The following GPR15LG variants were observed in gnomAD, a reference collection of about 807,000 sequenced individuals.
The protein encoded by GPR15LG is G protein-coupled receptor 15 ligand.
the GPR15LG span, among the ~76,000 whole-genome samples, chr10:84,184,510 C>T: frequency 6.6e-6 from 1 of 152,276 alleles, no homozygotes; most frequent in Admixed American, 6.5e-5. Flanking sequence ...CGAAAAGCCC[C>T]TTCTGGGCCT....
At chr10:84,176,719 C>T in the GPR15LG span, 10 of 604,946 alleles carry the variant, frequency 1.7e-5, no homozygotes, top group East Asian at 5.7e-5. Context: ...TTGTTGACTC[C>T]CCCCCAAAAG....
chr10:84,178,684 G>A, the GPR15LG span, among the ~76,000 whole-genome samples: 35 of 152,284 alleles, frequency 2.3e-4, no homozygotes, highest in Admixed American at 3.9e-4. Context: ...CATAGGAGAC[G>A]TGGCCATGTT....
the GPR15LG span, among the ~76,000 whole-genome samples, chr10:84,181,143 G>A: frequency 7.2e-6 from 1 of 139,266 alleles, no homozygotes; most frequent in Non-Finnish European, 1.6e-5. Flanking sequence ...AGGAGGGAGA[G>A]GGAGAGGGCT....
At chr10:84,176,261 T>C in the GPR15LG span, among the ~76,000 whole-genome samples, 1 of 152,198 alleles carries the variant, frequency 6.6e-6, no homozygotes, top group African/African-American at 2.4e-5. Flanking sequence ...TGGACAGGAA[T>C]CTGAAAAGGA....
chr10:84,181,313 G>A, the GPR15LG span, among the ~76,000 whole-genome samples: 2 of 151,038 alleles, frequency 1.3e-5, no homozygotes, highest in East Asian at 1.9e-4. Flanking sequence ...TATTGACCTC[G>A]TGATCCACCC....
At chr10:84,180,822 C>T in the GPR15LG span, among the ~76,000 whole-genome samples, 1 of 152,224 alleles carries the variant, frequency 6.6e-6, no homozygotes, top group East Asian at 1.9e-4. Context: ...AACGAGACTC[C>T]GTCTGCAATC....
the GPR15LG span, among the ~76,000 whole-genome samples, chr10:84,182,026 AC>A: frequency 1.3e-5 from 2 of 151,972 alleles, no homozygotes; most frequent in Middle Eastern, 3.2e-3. Context: ...TGTTTTTGAA[AC>A]CCAGCAAAAT....
the GPR15LG span, among the ~76,000 whole-genome samples, chr10:84,184,159 GAAAAAAA>G: frequency 7.2e-6 from 1 of 138,570 alleles, no homozygotes; most frequent in Non-Finnish European, 1.6e-5. Flanking sequence ...CATCTTTCTT[GAAAAAAA>G]AAAAAAAAAA....
At chr10:84,178,012 C>T in the GPR15LG span, among the ~76,000 whole-genome samples, 1 of 152,106 alleles carries the variant, frequency 6.6e-6, no homozygotes, top group African/African-American at 2.4e-5. Context: ...CAACCACACA[C>T]ACAGACACAC....
At chr10:84,184,747 G>T in the GPR15LG span, 13 of 1,613,742 alleles carry the variant, frequency 8.1e-6, no homozygotes, top group Admixed American at 2.0e-4. Context: ...GTGGTGCCTG[G>T]GGCACTCCCA....
At chr10:84,176,492 C>T in the GPR15LG span, 3 of 1,613,510 alleles carry the variant, frequency 1.9e-6, no homozygotes, top group Non-Finnish European at 2.5e-6. Context: ...AAGAGGCGTC[C>T]TGCCAAGGCC....
the GPR15LG span, among the ~76,000 whole-genome samples, chr10:84,181,780 G>T: frequency 1.3e-5 from 2 of 152,224 alleles, no homozygotes; most frequent in African/African-American, 4.8e-5. Context: ...CTCTTTACGG[G>T]TGTCAAGCAC....
the GPR15LG span, among the ~76,000 whole-genome samples, chr10:84,179,427 G>T: frequency 6.6e-6 from 1 of 152,144 alleles, no homozygotes; most frequent in Non-Finnish European, 1.5e-5. Flanking sequence ...CAGGCTTGGT[G>T]GTTCCACCTT....
chr10:84,178,354 C>T, the GPR15LG span, among the ~76,000 whole-genome samples: 1 of 151,896 alleles, frequency 6.6e-6, no homozygotes, highest in South Asian at 2.1e-4. Flanking sequence ...TAGACACATG[C>T]ACACAGCACA....
At chr10:84,182,214 T>G in the GPR15LG span, among the ~76,000 whole-genome samples, 1 of 152,112 alleles carries the variant, frequency 6.6e-6, no homozygotes, top group South Asian at 2.1e-4. Context: ...GCCCAGAAAA[T>G]AGACCCTGGA....
chr10:84,178,190 C>T, the GPR15LG span, among the ~76,000 whole-genome samples: 3 of 151,920 alleles, frequency 2.0e-5, no homozygotes. Context: ...ACTACACACA[C>T]AGACACATAC....
chr10:84,184,982 C>G, the GPR15LG span: 1 of 1,393,136 alleles, frequency 7.2e-7, no homozygotes, highest in Non-Finnish European at 9.3e-7. Flanking sequence ...GCCAACCTCA[C>G]CCCACAGGGC....
chr10:84,184,560 T>C, the GPR15LG span: 2 of 1,086,068 alleles, frequency 1.8e-6, no homozygotes, highest in Non-Finnish European at 2.8e-6. Flanking sequence ...CTTTGAAATT[T>C]TTTTTTAAAT....
the GPR15LG span, among the ~76,000 whole-genome samples, chr10:84,182,017 G>C: frequency 1.3e-5 from 2 of 152,180 alleles, no homozygotes; most frequent in African/African-American, 4.8e-5. Context: ...CCCCCTCACT[G>C]TTTTTGAAAC....
Sources: allele counts gnomAD v4.1 joint callset (sites outside exome capture counted in the v4.1 genomes callset), GRCh38; gene constraint gnomAD v4.1.1; transcripts MANE v1.5; gene names NCBI Gene and HGNC (gene_info 2026-07-23, HGNC 2026-07-21).